AKAP13: variants seen among roughly 807,000 people sequenced by gnomAD.
AKAP13 encodes the protein A-kinase anchor protein 13.
Under a neutral mutation model 264.5 loss-of-function variants are expected in AKAP13, and 80 were observed. The observed-to-expected ratio is 0.30, with a 90% CI of 0.25 to 0.36. The LOEUF (loss-of-function observed/expected upper bound fraction) is 0.36. Among genes scored for constraint, AKAP13 ranks in the 10% least tolerant of loss-of-function variants. The pLI is 1.00. For missense variants in AKAP13, 3,712 were observed against 3,435.2 expected (o/e 1.08, Z -2.01); for synonymous variants, 1,380 against 1,250.2 (o/e 1.10, Z -2.19).
At chr15:85,501,990 G>T (rs912455321) in intron 2 of AKAP13, among the ~76,000 whole-genome samples, 13 of 152,216 alleles carry the variant, frequency 8.5e-5, no homozygotes, top group Non-Finnish European at 1.6e-4. Context: ...GTACGGCGGA[G>T]CATGGTGCTG....
intron 1 of AKAP13, among the ~76,000 whole-genome samples, chr15:85,383,308 C>G (rs946378571): frequency 6.6e-6 from 1 of 152,028 alleles, no homozygotes. Context: ...AGGTAGCGTT[C>G]AGATCTCCAC....
intron 16 of AKAP13, among the ~76,000 whole-genome samples, chr15:85,691,190 AG>A (rs2085264614): frequency 6.6e-6 from 1 of 152,218 alleles, no homozygotes; most frequent in South Asian, 2.1e-4. Context: ...GAATTTTTTT[AG>A]GACATAACAA....
Position 85,461,607 on chromosome 15 carries a change from T to G in AKAP13, c.-11-24103T>G, listed in dbSNP as rs575582214. ...CTGTTTTCACTTTTTAAATGGTGTG[T>G]TTTTTTTTGTTGTTGTTGTTGGGGG... On this transcript the variant is annotated intron_variant, in intron 1 of 36. Coordinates refer to ENST00000394518, the MANE Select transcript of AKAP13 (RefSeq NM_007200.5). Among the ~76,000 whole-genome samples the G allele has an allele frequency of 1.7e-4, 13 of 78,492 alleles. No individual in the cohort carries two copies. The South Asian group carries it at 3.0e-3, about 18-fold the overall frequency. The allele number at this position is 78,492 out of a possible 152,430, so 51.5% of individuals were successfully genotyped here. A position where few individuals can be genotyped will look rare whatever the true frequency, so the allele number is the denominator to read the frequency against.
intron 8 of AKAP13, among the ~76,000 whole-genome samples, chr15:85,601,911 C>T (rs2080098189): frequency 1.3e-5 from 2 of 151,614 alleles, no homozygotes; most frequent in South Asian, 2.1e-4. Flanking sequence ...TACTTTTCTA[C>T]AAAAAAATTT....
At chr15:85,482,634 T>G (rs1386781215) in intron 1 of AKAP13, among the ~76,000 whole-genome samples, 3 of 152,208 alleles carry the variant, frequency 2.0e-5, no homozygotes, top group Non-Finnish European at 2.9e-5. Context: ...CAGACTGGGT[T>G]TGAATCTGGT....
At position 85,671,457 on chromosome 15, in the gene AKAP13, AAGAG is replaced by A. The variant is rs1253445942; in HGVS notation, c.5101+1637_5101+1640del. 1.8e-3 allele frequency among the ~76,000 whole-genome samples: 234 copies of A among 129,170 alleles called. 2 individuals are homozygous for A. The highest frequency in any genetic ancestry group is 3.8e-3 in the Middle Eastern group (1 of 264). 84.7% of individuals were successfully genotyped at this position (129,170 alleles called of 152,430 possible). A position where few individuals can be genotyped will look rare whatever the true frequency, so the allele number is the denominator to read the frequency against. Reference sequence around the variant, plus strand: ...TCAAAAAAAAAAAAAAAAAAAAAAAAAGAGAGAGAGAGAAAGACATAATGGGTGA... The same window carrying A: ...TCAAAAAAAAAAAAAAAAAAAAAAAAAGAGAGAGAAAGACATAATGGGTGA... On this transcript the variant is annotated intron_variant, in intron 14 of 36. Transcript: ENST00000394518.
chr15:85,648,543 CAT>C (rs933367358), intron 10 of AKAP13, among the ~76,000 whole-genome samples: 2 of 151,850 alleles, frequency 1.3e-5, no homozygotes, highest in Admixed American at 6.6e-5. Context: ...GAATATTAGA[CAT>C]ATAATTTTTA....
intron 1 of AKAP13, among the ~76,000 whole-genome samples, chr15:85,406,396 G>GTTTTTTTTTTTTTT (rs34569805): frequency 1.4e-5 from 2 of 143,834 alleles, no homozygotes; most frequent in Non-Finnish European, 3.0e-5. Context: ...CTAGAAAATA[G>GTTTTTTTTTTTTTT]TTTTTTTTTT....
At chr15:85,538,429 A>G (rs558877035) in intron 4 of AKAP13, among the ~76,000 whole-genome samples, 4 of 151,936 alleles carry the variant, frequency 2.6e-5, no homozygotes, top group Non-Finnish European at 5.9e-5. Flanking sequence ...TAGGTCGCCC[A>G]CCATAATCAT....
chr15:85,579,005 A>T lies in AKAP13; in HGVS notation c.937A>T (p.Thr313Ser), dbSNP rs2079106948. 6.2e-7 allele frequency: 1 copy of T among 1,613,978 alleles called. No individual in the cohort carries two copies. Among genetic ancestry groups the T allele is most frequent in the East Asian group, 2.2e-5 (1 of 44,850 alleles). Residue 313 changes from threonine to serine, a missense_variant, in exon 7 of 37, where the codon ACA becomes TCA. Physicochemically the swap from Thr to Ser is moderately conservative, Grantham distance 58. Coordinates refer to ENST00000394518, the MANE Select transcript of AKAP13 (RefSeq NM_007200.5). ...TAQDPSSAPE[T>S]DGQFLPCAPE... is the part of the protein sequence containing the mutation. ...ACAGGATCCTTCCAGTGCCCCAGAG[A>T]CAGATGGCCAGTTTCTTCCCTGTGC...
chr15:85,693,594 AAAAG>A lies in AKAP13; in HGVS notation c.5464+151_5464+154del, dbSNP rs1291078903. On this transcript the variant is annotated intron_variant, in intron 17 of 36. Transcript: ENST00000394518. Reference sequence around the variant, plus strand: ...TTTTATATCTTTCTTTAGACATGATAAAAGAAAGAAATTCTAGATGTATAACATA... The same window carrying A: ...TTTTATATCTTTCTTTAGACATGATAAAAGAAATTCTAGATGTATAACATA... 8.0e-6 allele frequency: 11 copies of A among 1,380,820 alleles called. No individual in the cohort carries two copies. The African/African-American group carries it at 1.2e-4, about 15-fold the overall frequency. The allele number at this position is 1,380,820 out of a possible 1,614,324, so 85.5% of individuals were successfully genotyped here. A position where few individuals can be genotyped will look rare whatever the true frequency, so the allele number is the denominator to read the frequency against.
chr15:85,397,799 T>C (rs903117193), intron 1 of AKAP13, among the ~76,000 whole-genome samples: 1 of 152,198 alleles, frequency 6.6e-6, no homozygotes, highest in Non-Finnish European at 1.5e-5. Flanking sequence ...ATAAACAAAA[T>C]AAGATGTAGT....
intron 1 of AKAP13, among the ~76,000 whole-genome samples, chr15:85,479,824 T>G (rs1027432248): frequency 3.3e-5 from 5 of 152,212 alleles, no homozygotes; most frequent in African/African-American, 1.2e-4. Context: ...TTGTAGCATG[T>G]GTAGGTGTGG....
intron 12 of AKAP13, among the ~76,000 whole-genome samples, chr15:85,661,912 A>G (rs1029218390): frequency 6.6e-6 from 1 of 151,920 alleles, no homozygotes; most frequent in African/African-American, 2.4e-5. Context: ...GAAAAAAAAA[A>G]AAAAAAACCG....
intron 2 of AKAP13, among the ~76,000 whole-genome samples, chr15:85,512,855 ATGTATG>A (rs1308424547): frequency 9.6e-6 from 1 of 104,144 alleles, no homozygotes; most frequent in African/African-American, 2.7e-5. Context: ...GTATGTATGT[ATGTATG>A]TATGTATGTT....
chr15:85,711,754 A>G (rs1374248239), intron 19 of AKAP13, among the ~76,000 whole-genome samples: 2 of 152,336 alleles, frequency 1.3e-5, no homozygotes, highest in East Asian at 3.9e-4. Context: ...TTTTAGAAGT[A>G]AAGATTCTTG....
At chr15:85,394,839 T>G (rs1185959596) in intron 1 of AKAP13, among the ~76,000 whole-genome samples, 1 of 152,210 alleles carries the variant, frequency 6.6e-6, no homozygotes, top group South Asian at 2.1e-4. Context: ...CAGAGAAAGA[T>G]ATAAAACTTA....
intron 6 of AKAP13, 96 bp downstream of exon 6, chr15:85,575,425 A>G (rs776118528): frequency 7.0e-5 from 88 of 1,265,366 alleles, no homozygotes; most frequent in Middle Eastern, 2.5e-4. Context: ...CCTTGATATA[A>G]TTAGAACATA....
chr15:85,417,902 C>G (rs578167241), intron 1 of AKAP13, among the ~76,000 whole-genome samples: 1 of 152,044 alleles, frequency 6.6e-6, no homozygotes, highest in Non-Finnish European at 1.5e-5. Context: ...ATATCAGCCA[C>G]TAGGTAATTT....
Sources: gnomAD v4.1 joint callset for allele counts (sites outside exome capture counted in the v4.1 genomes callset) on GRCh38, gnomAD v4.1.1 for gene constraint, MANE v1.5 for transcripts, NCBI Gene and HGNC (gene_info 2026-07-23, HGNC 2026-07-21) for gene names.